GRID2: variants seen among roughly 807,000 people sequenced by gnomAD.
The protein encoded by GRID2 is glutamate ionotropic receptor delta type subunit 2.
In GRID2, 33 loss-of-function variants were observed where a neutral mutation model predicts 114.8. The ratio of observed to expected loss-of-function variants is 0.29; its 90% CI spans 0.22 to 0.38. GRID2 has a LOEUF of 0.38. Among genes scored for constraint, GRID2 ranks in the 10% least tolerant of loss-of-function variants. The probability of loss-of-function intolerance (pLI) is 1.00; values close to 1 mark genes in which losing one functional copy is unlikely to be tolerated. For missense variants in GRID2, 1,184 were observed against 1,257.7 expected (o/e 0.94, Z 0.89); for synonymous variants, 505 against 449.9 (o/e 1.12, Z -1.55).
intron 14 of GRID2, among the ~76,000 whole-genome samples, chr4:93,710,483 A>G (rs1728390879): frequency 6.6e-6 from 1 of 152,210 alleles, no homozygotes; most frequent in South Asian, 2.1e-4. Context: ...CGAGTGACAC[A>G]GCACTGCTGT....
rs144360787 is a variant in GRID2, at chr4:93,199,080, C to A, written c.736-8324C>A. Among the ~76,000 whole-genome samples, 958 of 152,052 alleles carry A rather than the reference C, an allele frequency of 6.3e-3. 14 individuals are homozygous for A. The highest frequency in any genetic ancestry group is 0.022 in the African/African-American group (912 of 41,482). On this transcript the variant is annotated intron_variant, in intron 4 of 15. Transcript: ENST00000282020. ...AATTTCCTGATGGTGCCAAAAGTTA[C>A]CATATTAGCATATGGTAAAATAGGC...
At chr4:92,601,637 G>T (rs1025326418) in intron 2 of GRID2, among the ~76,000 whole-genome samples, 3 of 151,888 alleles carry the variant, frequency 2.0e-5, no homozygotes, top group African/African-American at 7.3e-5. Context: ...AAAACTAAGA[G>T]CAAACAAACC....
intron 14 of GRID2, among the ~76,000 whole-genome samples, chr4:93,685,311 T>G (rs1725976297): frequency 6.6e-6 from 1 of 152,070 alleles, no homozygotes; most frequent in African/African-American, 2.4e-5. Flanking sequence ...TCTTTGATCT[T>G]GGGACTTGTC....
intron 10 of GRID2, among the ~76,000 whole-genome samples, chr4:93,436,813 A>G (rs960925639): frequency 3.9e-5 from 6 of 152,172 alleles, no homozygotes; most frequent in African/African-American, 1.4e-4. Flanking sequence ...CTGGATAGAT[A>G]TAAAAGATAT....
chr4:93,335,015 C>T (rs1466348798), intron 8 of GRID2, among the ~76,000 whole-genome samples: 9 of 151,694 alleles, frequency 5.9e-5, no homozygotes, highest in African/African-American at 2.2e-4. Flanking sequence ...TCTAATGTAG[C>T]TATGTACTAA....
intron 1 of GRID2, among the ~76,000 whole-genome samples, chr4:92,347,731 G>A (rs1192685818): frequency 6.6e-6 from 1 of 152,090 alleles, no homozygotes; most frequent in Non-Finnish European, 1.5e-5. Context: ...GAGATTGAGG[G>A]ATAGTTGTTA....
intron 4 of GRID2, among the ~76,000 whole-genome samples, chr4:93,163,360 A>ATATATATATATATATATATATG: frequency 3.5e-5 from 1 of 28,682 alleles, no homozygotes; most frequent in South Asian, 1.3e-3. Context: ...TTTTGTGTAT[A>ATATATATATATATATATATATG]TATATATATA....
intron 2 of GRID2, among the ~76,000 whole-genome samples, chr4:92,684,343 T>C (rs1472487817): frequency 2.0e-5 from 3 of 151,998 alleles, no homozygotes; most frequent in Non-Finnish European, 4.4e-5. Flanking sequence ...TTTTTACTAT[T>C]AGTTAAACAT....
chr4:93,508,825 G>A (rs1354550898), intron 12 of GRID2, among the ~76,000 whole-genome samples: 1 of 152,190 alleles, frequency 6.6e-6, no homozygotes, highest in South Asian at 2.1e-4. Context: ...CATATTCCAA[G>A]TGTTAGAAGA....
At chr4:92,537,129 T>A (rs953270298) in intron 1 of GRID2, among the ~76,000 whole-genome samples, 1 of 152,302 alleles carries the variant, frequency 6.6e-6, no homozygotes, top group South Asian at 2.1e-4. Flanking sequence ...ATAATGATAA[T>A]GTTCTATTTT....
chr4:93,512,495 T>G (rs1474081475), intron 12 of GRID2, among the ~76,000 whole-genome samples: 2 of 152,150 alleles, frequency 1.3e-5, no homozygotes, highest in East Asian at 3.9e-4. Flanking sequence ...CTTCAGTCGT[T>G]TTATTTTTGT....
intron 2 of GRID2, among the ~76,000 whole-genome samples, chr4:92,973,685 T>C (rs1444818097): frequency 6.6e-6 from 1 of 152,186 alleles, no homozygotes; most frequent in African/African-American, 2.4e-5. Flanking sequence ...ATTTATTTTA[T>C]AAGGTAAACT....
chr4:92,959,478 C>T (rs761137579), intron 2 of GRID2, among the ~76,000 whole-genome samples: 8 of 151,640 alleles, frequency 5.3e-5, no homozygotes, highest in East Asian at 1.9e-4. Context: ...TGTAATGCCC[C>T]GTAACCTTCA....
At chr4:93,763,445 G>T (rs1351772048) in intron 14 of GRID2, among the ~76,000 whole-genome samples, 1 of 152,140 alleles carries the variant, frequency 6.6e-6, no homozygotes, top group Non-Finnish European at 1.5e-5. Context: ...ATTGTAGCAT[G>T]AATACATTTG....
At chr4:93,510,410 T>C (rs1255090128) in intron 12 of GRID2, among the ~76,000 whole-genome samples, 3 of 152,216 alleles carry the variant, frequency 2.0e-5, no homozygotes, top group East Asian at 3.9e-4. Flanking sequence ...TAAAGGAAGA[T>C]AGGAAAAAAA....
At chr4:93,130,686 C>T (rs906815893) in intron 4 of GRID2, among the ~76,000 whole-genome samples, 10 of 151,944 alleles carry the variant, frequency 6.6e-5, no homozygotes, top group East Asian at 3.9e-4. Context: ...TATTGTTCTC[C>T]GTCATTAGAT....
At chr4:92,948,151 T>G (rs1305379175) in intron 2 of GRID2, among the ~76,000 whole-genome samples, 1 of 151,962 alleles carries the variant, frequency 6.6e-6, no homozygotes, top group African/African-American at 2.4e-5. Flanking sequence ...CATTTTACAT[T>G]TTAAAGTATG....
At chr4:92,933,414 A>G (rs114071041) in intron 2 of GRID2, among the ~76,000 whole-genome samples, 92 of 151,596 alleles carry the variant, frequency 6.1e-4, no homozygotes, top group African/African-American at 2.1e-3. Context: ...TTTAAATTCT[A>G]TGCTTCACAA....
At chr4:92,316,016 A>AAAAG (rs1725960451) in intron 1 of GRID2, among the ~76,000 whole-genome samples, 1 of 148,318 alleles carries the variant, frequency 6.7e-6, no homozygotes, top group South Asian at 2.1e-4. Flanking sequence ...AAAAAAAAAG[A>AAAAG]AAAGAGAACC....
Sources: allele counts gnomAD v4.1 joint callset (sites outside exome capture counted in the v4.1 genomes callset), GRCh38; gene constraint gnomAD v4.1.1; transcripts MANE v1.5; gene names NCBI Gene and HGNC (gene_info 2026-07-23, HGNC 2026-07-21).